SEPTIN2: variants seen among roughly 807,000 people sequenced by gnomAD.
SEPTIN2 encodes septin-2.
In SEPTIN2, 34 loss-of-function variants were observed where a neutral mutation model predicts 46.5. That is an observed-to-expected ratio of 0.73 (90% CI 0.56 to 0.97). The LOEUF is 0.97. Ranked by LOEUF, SEPTIN2 falls within the 50% of genes least tolerant of loss-of-function variation. The pLI, the probability that SEPTIN2 is intolerant of heterozygous loss-of-function variation, is 0.00. For synonymous variants in SEPTIN2, 175 were observed against 153.4 expected, an observed-to-expected ratio of 1.14 and a Z score of -1.04; for missense variants, 347 against 448.4, an observed-to-expected ratio of 0.77 and a Z score of 2.04.
intron 1 of SEPTIN2, chr2:241,316,402 G>C: frequency 1.1e-6 from 1 of 952,062 alleles, no homozygotes; most frequent in Non-Finnish European, 1.5e-6. Context: ...TCTTTCTAAC[G>C]GTGCCATTTC....
chr2:241,335,093 A>G, intron 3 of SEPTIN2, 33 bp from the exon 4 acceptor site: 1 of 1,448,040 alleles, frequency 6.9e-7, no homozygotes, highest in Non-Finnish European at 9.7e-7. Context: ...CATATGAATA[A>G]GGTCATGACA....
chr2:241,333,747 C>T (rs1317426097), intron 3 of SEPTIN2, among the ~76,000 whole-genome samples: 1 of 152,222 alleles, frequency 6.6e-6, no homozygotes, highest in East Asian at 1.9e-4. Context: ...TCATGATCCG[C>T]CTGCCTCGGC....
intron 7 of SEPTIN2, 74 bp from the exon 8 acceptor site, chr2:241,342,918 C>G (rs1306131526): frequency 1.4e-6 from 1 of 718,362 alleles, no homozygotes; most frequent in East Asian, 2.7e-5. Context: ...ATATTTCTTA[C>G]AAGATGAGCT....
chr2:241,328,396 C>G (rs1268202900), intron 3 of SEPTIN2, among the ~76,000 whole-genome samples: 3 of 151,848 alleles, frequency 2.0e-5, no homozygotes, highest in African/African-American at 7.3e-5. Flanking sequence ...TGCGCCACAG[C>G]ACTTTAGTCT....
chr2:241,337,870 C>A, intron 7 of SEPTIN2, 80 bp downstream of exon 7: 1 of 941,800 alleles, frequency 1.1e-6, no homozygotes, highest in Non-Finnish European at 1.7e-6. Context: ...TGTTCCCACG[C>A]TCAGTCTGCT....
Position 241,352,589 on chromosome 2 carries a change from A to G in SEPTIN2, c.*652A>G, listed in dbSNP as rs1289666480. 1 of 152,604 alleles carries G rather than the reference A, an allele frequency of 6.6e-6. No homozygotes were observed. Among genetic ancestry groups the G allele is most frequent in the Admixed American group, 6.5e-5 (1 of 15,288 alleles). 9.5% of individuals were successfully genotyped at this position (152,604 alleles called of 1,614,324 possible). A position where few individuals can be genotyped will look rare whatever the true frequency, so the allele number is the denominator to read the frequency against. ...ATCTTTATACTTAAACAGCTTTTTT[A>G]GAGGTGAGTTTTAAAGAAGTCTCTT... On this transcript the variant is annotated 3_prime_UTR_variant, in exon 13 of 13. Coordinates refer to ENST00000391971, the MANE Select transcript of SEPTIN2 (RefSeq NM_004404.5).
At chr2:241,324,043 CT>C in intron 1 of SEPTIN2, 172 bp from the exon 2 acceptor site, 1 of 584,698 alleles carries the variant, frequency 1.7e-6, no homozygotes, top group Non-Finnish European at 3.0e-6. Context: ...CAGTGCTTAA[CT>C]TTTCCCTTTG....
intron 1 of SEPTIN2, chr2:241,316,258 C>A: frequency 2.7e-6 from 1 of 371,228 alleles, no homozygotes; most frequent in Non-Finnish European, 4.9e-6. Flanking sequence ...GTTGACCCTG[C>A]GGGAATTCCT....
At chr2:241,342,534 ATT>A (rs548033372) in intron 7 of SEPTIN2, among the ~76,000 whole-genome samples, 357 of 86,950 alleles carry the variant, frequency 4.1e-3, no homozygotes, top group African/African-American at 0.013. Context: ...AGTTTTGTAA[ATT>A]TTTTTTTTTT....
At chr2:241,339,264 G>T (rs113770779) in intron 7 of SEPTIN2, among the ~76,000 whole-genome samples, 4,392 of 150,800 alleles carry the variant, frequency 0.029, 147 homozygotes, top group African/African-American at 0.079. Flanking sequence ...GTGGTGGCGG[G>T]CATCTGTAGT....
At chr2:241,343,463 C>T (rs1042345288) in intron 8 of SEPTIN2, among the ~76,000 whole-genome samples, 7 of 151,644 alleles carry the variant, frequency 4.6e-5, no homozygotes, top group African/African-American at 1.7e-4. Context: ...CGCGCCTCTG[C>T]ACTCTAGCCT....
chr2:241,335,438 CTGTA>C, intron 4 of SEPTIN2: 1 of 1,224,346 alleles, frequency 8.2e-7, no homozygotes, highest in Non-Finnish European at 1.2e-6. Context: ...TTGAGTTTGT[CTGTA>C]AAATGTAATA....
At chr2:241,346,603 AAATT>A (rs1217107044) in intron 10 of SEPTIN2, 3 of 156,522 alleles carry the variant, frequency 1.9e-5, no homozygotes, top group Non-Finnish European at 4.2e-5. Flanking sequence ...AAAAAAAAAA[AAATT>A]AATTTAGCCG....
At chr2:241,349,976 G>A (rs1648803773) in intron 11 of SEPTIN2, 97 bp from the exon 12 acceptor site, 1 of 1,147,832 alleles carries the variant, frequency 8.7e-7, no homozygotes, top group Non-Finnish European at 1.3e-6. Context: ...TTTTGGGAAG[G>A]TGTAGAAGTT....
At chr2:241,315,577 A>G (rs2076046932), upstream of SEPTIN2, 1 of 151,660 alleles carries the variant, frequency 6.6e-6, no homozygotes, top group Non-Finnish European at 1.5e-5. Flanking sequence ...TACCTGTTCC[A>G]CTCTTATAAG....
In SEPTIN2 at chr2:241,336,118, G is replaced by A. The variant is rs551578168; in HGVS notation, c.341+20G>A. 9.3e-6 allele frequency: 15 copies of A among 1,611,470 alleles called. No homozygotes were observed. The Admixed American group carries it at 2.0e-4, about 22-fold the overall frequency. ...AGATTGGTATGCTCCCCCATGCCCA[G>A]GGATCTGCATTTGTTTACTTAATAT... On this transcript the variant is annotated intron_variant, in intron 5 of 12. Coordinates refer to ENST00000391971, the MANE Select transcript of SEPTIN2 (RefSeq NM_004404.5).
rs2060953554 is a variant in SEPTIN2, at chr2:241,353,957, T to C, written c.*2020T>C. ...TAGAAATGTATTTTGAAAACACTTA[T>C]TTTACACAGCAATTTTGTATCCATT... On this transcript the variant is annotated 3_prime_UTR_variant, in exon 13 of 13. Coordinates refer to ENST00000391971, the MANE Select transcript of SEPTIN2 (RefSeq NM_004404.5). 2 of 152,394 alleles carry C rather than the reference T, an allele frequency of 1.3e-5. No individual in the cohort carries two copies. Among genetic ancestry groups the C allele is most frequent in the South Asian group, 2.1e-4 (1 of 4,838 alleles). 9.4% of individuals were successfully genotyped at this position (152,394 alleles called of 1,614,324 possible). A position where few individuals can be genotyped will look rare whatever the true frequency, so the allele number is the denominator to read the frequency against.
Position 241,346,007 on chromosome 2 carries a change from G to A in SEPTIN2, c.843-159G>A, listed in dbSNP as rs541566073. 3.9e-5 allele frequency among the ~76,000 whole-genome samples: 6 copies of A among 152,226 alleles called. No individual in the cohort carries two copies. The South Asian group carries it at 1.0e-3, about 26-fold the overall frequency. On this transcript the variant is annotated intron_variant, in intron 9 of 12. Transcript: ENST00000391971. ...GCTACACCTCACTAGACATTTCCAC[G>A]GCCATACTCATTATCCTGAAATCCC...
chr2:241,337,756 TCACCCTGAAGGAA>T lies in SEPTIN2; in HGVS notation c.562_574del (p.Thr188GlyfsTer4). The stretch of plus-strand genomic sequence containing the variant: ...CCTGTCATTGCAAAAGCTGACACTC[TCACCCTGAAGGAA>T]CGGGAGCGGCTGAAGAAAAGGGTGA... On this transcript the variant is annotated frameshift_variant, in exon 7 of 13. Transcript: ENST00000391971. LOFTEE classifies it high-confidence loss of function. 6.2e-7 allele frequency: 1 copy of T among 1,614,082 alleles called. No individual in the cohort carries two copies. The highest frequency in any genetic ancestry group is 8.5e-7 in the Non-Finnish European group (1 of 1,179,972).
Sources: allele counts gnomAD v4.1 joint callset (sites outside exome capture counted in the v4.1 genomes callset), GRCh38; gene constraint gnomAD v4.1.1; transcripts MANE v1.5; gene names NCBI Gene and HGNC (gene_info 2026-07-23, HGNC 2026-07-21).